The following FGF10 variants were observed in gnomAD, a reference collection of about 807,000 sequenced individuals.
The protein encoded by FGF10 is FGF-10.
FGF10 carries 2 observed loss-of-function variants against 19.8 expected under a neutral mutation model. The observed-to-expected ratio is 0.10, with a 90% CI of 0.04 to 0.32. The LOEUF (loss-of-function observed/expected upper bound fraction) is 0.32. Ranked by LOEUF, FGF10 falls within the 10% of genes least tolerant of loss-of-function variation. The pLI is 1.00. For missense variants in FGF10, 191 were observed against 246.3 expected, an observed-to-expected ratio of 0.78 and a Z score of 1.50; for synonymous variants, 112 against 94.0, an observed-to-expected ratio of 1.19 and a Z score of -1.10.
At chr5:44,344,581 T>TGTGTGTGTGTGTGTGC (rs1473013496) in intron 1 of FGF10, among the ~76,000 whole-genome samples, 59 of 149,896 alleles carry the variant, frequency 3.9e-4, no homozygotes, top group Non-Finnish European at 8.9e-5. Flanking sequence ...TGTGTGTGTG[T>TGTGTGTGTGTGTGTGC]GTGTGTGTGT....
chr5:44,317,034 C>T (rs530535384), intron 1 of FGF10, among the ~76,000 whole-genome samples: 1 of 152,226 alleles, frequency 6.6e-6, no homozygotes, highest in South Asian at 2.1e-4. Flanking sequence ...TTATCCTTCA[C>T]CCTACACCCA....
At chr5:44,340,601 T>G (rs1419235512) in intron 1 of FGF10, among the ~76,000 whole-genome samples, 2 of 152,022 alleles carry the variant, frequency 1.3e-5, no homozygotes, top group African/African-American at 4.8e-5. Flanking sequence ...CTGACAATAC[T>G]GACTTAAATG....
At chr5:44,320,434 T>C (rs1031343523) in intron 1 of FGF10, among the ~76,000 whole-genome samples, 2 of 152,168 alleles carry the variant, frequency 1.3e-5, no homozygotes, top group South Asian at 2.1e-4. Context: ...CAAACATCAC[T>C]GGAGTGCTTC....
chr5:44,381,785 G>T (rs1265475186), intron 1 of FGF10, among the ~76,000 whole-genome samples: 2 of 152,136 alleles, frequency 1.3e-5, no homozygotes, highest in Non-Finnish European at 2.9e-5. Flanking sequence ...TTTTAAAAAA[G>T]TTCTAAATCT....
At chr5:44,344,236 C>A (rs1181870916) in intron 1 of FGF10, among the ~76,000 whole-genome samples, 3 of 151,900 alleles carry the variant, frequency 2.0e-5, no homozygotes, top group Non-Finnish European at 2.9e-5. Flanking sequence ...GCTAGTCCAG[C>A]CCAAGTACTT....
intron 1 of FGF10, among the ~76,000 whole-genome samples, chr5:44,325,144 T>C (rs1189977708): frequency 2.0e-5 from 3 of 152,186 alleles, no homozygotes; most frequent in Admixed American, 6.5e-5. Context: ...ATGCTCATCA[T>C]CACTGGCCAT....
chr5:44,385,710 G>A (rs552503339), intron 1 of FGF10, among the ~76,000 whole-genome samples: 8 of 152,280 alleles, frequency 5.3e-5, no homozygotes, highest in African/African-American at 1.4e-4. Flanking sequence ...ACCATTTGGT[G>A]GACAGCTGGC....
At chr5:44,378,064 T>A (rs1369848836) in intron 1 of FGF10, among the ~76,000 whole-genome samples, 1 of 147,454 alleles carries the variant, frequency 6.8e-6, no homozygotes, top group Non-Finnish European at 1.5e-5. Context: ...ATACCACTAT[T>A]ACAGTGAAAA....
chr5:44,384,268 T>G (rs1374346798), intron 1 of FGF10, among the ~76,000 whole-genome samples: 4 of 152,154 alleles, frequency 2.6e-5, no homozygotes, highest in African/African-American at 9.6e-5. Context: ...TAATGACCTC[T>G]GTTAACATGA....
At chr5:44,336,475 G>C (rs1327419283) in intron 1 of FGF10, among the ~76,000 whole-genome samples, 1 of 152,044 alleles carries the variant, frequency 6.6e-6, no homozygotes, top group Non-Finnish European at 1.5e-5. Context: ...TTGTTTTGTT[G>C]TAATCATATC....
At chr5:44,386,499 T>C (rs985696233) in intron 1 of FGF10, among the ~76,000 whole-genome samples, 7 of 152,174 alleles carry the variant, frequency 4.6e-5, no homozygotes, top group East Asian at 1.9e-4. Flanking sequence ...TTCTTCCCCA[T>C]CCTGCTAACT....
At chr5:44,308,150 A>G (rs10473352) in intron 2 of FGF10, among the ~76,000 whole-genome samples, 29,478 of 152,192 alleles carry the variant, frequency 0.19, 3,048 homozygotes, top group Admixed American at 0.3. Context: ...TCTACTTTAA[A>G]TAAAGAATTT....
intron 1 of FGF10, among the ~76,000 whole-genome samples, chr5:44,332,753 A>G (rs1182162430): frequency 6.6e-6 from 1 of 152,144 alleles, no homozygotes; most frequent in Non-Finnish European, 1.5e-5. Flanking sequence ...TTTCTTTGGT[A>G]TATAATTACT....
At chr5:44,380,716 C>A (rs1209144619) in intron 1 of FGF10, among the ~76,000 whole-genome samples, 1 of 152,284 alleles carries the variant, frequency 6.6e-6, no homozygotes, top group East Asian at 1.9e-4. Flanking sequence ...TATGGTGGCT[C>A]ACACCCGTAA....
chr5:44,313,836 G>C (rs1420465006), intron 1 of FGF10, among the ~76,000 whole-genome samples: 2 of 152,096 alleles, frequency 1.3e-5, no homozygotes, highest in Non-Finnish European at 2.9e-5. Context: ...AATCACTTAG[G>C]AAGACCTAGG....
At chr5:44,373,632 T>C (rs1741791859) in intron 1 of FGF10, among the ~76,000 whole-genome samples, 1 of 152,114 alleles carries the variant, frequency 6.6e-6, no homozygotes, top group South Asian at 2.1e-4. Context: ...CAATAACATA[T>C]TCTTAATTTC....
intron 1 of FGF10, among the ~76,000 whole-genome samples, chr5:44,353,993 C>A (rs1741290836): frequency 6.6e-6 from 1 of 151,154 alleles, no homozygotes; most frequent in Non-Finnish European, 1.5e-5. Context: ...GCAATACAAC[C>A]AAGTAATAAT....
chr5:44,378,560 T>G (rs951593435), intron 1 of FGF10, among the ~76,000 whole-genome samples: 1 of 152,118 alleles, frequency 6.6e-6, no homozygotes, highest in Non-Finnish European at 1.5e-5. Context: ...GCCTCCCCAG[T>G]AGCTGGGACC....
chr5:44,309,869 A>T (rs1157561364), intron 2 of FGF10, among the ~76,000 whole-genome samples: 1 of 152,124 alleles, frequency 6.6e-6, no homozygotes, highest in African/African-American at 2.4e-5. Flanking sequence ...TATTGCAAAG[A>T]ATATTTCCCA....
Sources: allele counts gnomAD v4.1 joint callset (sites outside exome capture counted in the v4.1 genomes callset), GRCh38; gene constraint gnomAD v4.1.1; transcripts MANE v1.5; gene names NCBI Gene and HGNC (gene_info 2026-07-23, HGNC 2026-07-21).